Variants in AKAP13 observed in about 807,000 individuals in gnomAD.
The protein encoded by AKAP13 is A-kinase anchor protein 13.
In AKAP13, 80 loss-of-function variants were observed where a neutral mutation model predicts 264.5. That is an observed-to-expected ratio of 0.30 (90% CI 0.25 to 0.36). The LOEUF (loss-of-function observed/expected upper bound fraction) is 0.36, where lower values mean the gene tolerates loss of function less well. AKAP13 is among the 10% of genes least tolerant of loss of function. The pLI, the probability that AKAP13 is intolerant of heterozygous loss-of-function variation, is 1.00. For missense variants in AKAP13, 3,712 were observed against 3,435.2 expected, an observed-to-expected ratio of 1.08 and a Z score of -2.01; for synonymous variants, 1,380 against 1,250.2, an observed-to-expected ratio of 1.10 and a Z score of -2.19.
chr15:85,535,146 A>C (rs1187388602), intron 4 of AKAP13: 4 of 152,260 alleles, frequency 2.6e-5, no homozygotes, highest in Non-Finnish European at 4.4e-5. Context: ...CTCTCCCCAC[A>C]GGTGAGCAGT....
chr15:85,381,181 G>T (rs1299333381), intron 1 of AKAP13, among the ~76,000 whole-genome samples: 1 of 152,090 alleles, frequency 6.6e-6, no homozygotes, highest in East Asian at 1.9e-4. Flanking sequence ...GGTCGGCGCC[G>T]CCGGGGCGGG....
chr15:85,632,954 C>G (rs2151453795), intron 8 of AKAP13, among the ~76,000 whole-genome samples: 1 of 152,148 alleles, frequency 6.6e-6, no homozygotes, highest in East Asian at 1.9e-4. Context: ...CAACCTCTGA[C>G]TCCATGGTTC....
chr15:85,545,311 C>G (rs2077699386), intron 5 of AKAP13, among the ~76,000 whole-genome samples: 1 of 152,206 alleles, frequency 6.6e-6, no homozygotes, highest in East Asian at 1.9e-4. Flanking sequence ...TGCATTTCCT[C>G]TAAATTTGAT....
chr15:85,499,384 G>C (rs552540266), intron 2 of AKAP13, among the ~76,000 whole-genome samples: 6 of 152,302 alleles, frequency 3.9e-5, no homozygotes, highest in South Asian at 2.1e-4. Flanking sequence ...TGCAGTAGTA[G>C]CAGCAGCGCA....
intron 5 of AKAP13, among the ~76,000 whole-genome samples, chr15:85,546,664 G>A (rs1295107354): frequency 6.6e-6 from 1 of 152,024 alleles, no homozygotes; most frequent in Non-Finnish European, 1.5e-5. Context: ...TCTGAATAAA[G>A]CATTTGTTGG....
chr15:85,661,410 A>G (rs989778878), intron 12 of AKAP13, among the ~76,000 whole-genome samples: 1 of 152,134 alleles, frequency 6.6e-6, no homozygotes, highest in Non-Finnish European at 1.5e-5. Context: ...GTGCCATAGA[A>G]TTCCTTTTTT....
At position 85,731,143 on chromosome 15, in the gene AKAP13, C is replaced by T. The variant is rs574738350; in HGVS notation, c.7282+436C>T. The stretch of plus-strand genomic sequence containing the variant: ...TCTCAGCCACCCAAGTAGCTTGGGA[C>T]TACAGATGTGCACCACCACACCCAG... On this transcript the variant is annotated intron_variant, in intron 30 of 36. Transcript: ENST00000394518. 3.3e-5 allele frequency among the ~76,000 whole-genome samples: 5 copies of T among 151,718 alleles called. No homozygotes were observed. In the South Asian group the frequency reaches 1.0e-3, roughly 32 times the overall value.
rs868156080 is a variant in AKAP13 at position 85,483,509 on chromosome 15, C to G, written c.-11-2201C>G. Among the ~76,000 whole-genome samples, 7 of 148,956 alleles carry G rather than the reference C, an allele frequency of 4.7e-5. No homozygotes were observed. The South Asian group carries it at 1.5e-3, about 31-fold the overall frequency. ...GTTGCGGTGGCGGGCGCCTGTAGTCCCAGCTACTGGGGAGGCTGAGGCAGG... is the reference window on the plus strand; with the variant it reads ...GTTGCGGTGGCGGGCGCCTGTAGTCGCAGCTACTGGGGAGGCTGAGGCAGG... On this transcript the variant is annotated intron_variant, in intron 1 of 36. Transcript: ENST00000394518.
At chr15:85,556,093 A>G (rs1361921280) in intron 5 of AKAP13, among the ~76,000 whole-genome samples, 1 of 152,234 alleles carries the variant, frequency 6.6e-6, no homozygotes, top group Non-Finnish European at 1.5e-5. Flanking sequence ...CTCTGAGTAC[A>G]GATTGTGGCC....
chr15:85,572,408 C>T (rs1183848136), intron 5 of AKAP13, among the ~76,000 whole-genome samples: 7 of 152,118 alleles, frequency 4.6e-5, no homozygotes, highest in Admixed American at 2.6e-4. Context: ...CTTCTTGAGT[C>T]GTTTCTTTGA....
intron 1 of AKAP13, among the ~76,000 whole-genome samples, chr15:85,445,875 C>T (rs896014485): frequency 1.3e-5 from 2 of 152,006 alleles, no homozygotes; most frequent in Middle Eastern, 3.2e-3. Context: ...TTATGGGGTA[C>T]ATGTGATATT....
intron 1 of AKAP13, among the ~76,000 whole-genome samples, chr15:85,416,642 G>A (rs1032871144): frequency 1.9e-4 from 29 of 152,178 alleles, no homozygotes; most frequent in African/African-American, 7.0e-4. Flanking sequence ...TAACTTGCAG[G>A]GTGTGTTAAG....
intron 5 of AKAP13, among the ~76,000 whole-genome samples, chr15:85,562,666 C>G (rs1214635995): frequency 7.3e-6 from 1 of 137,390 alleles, no homozygotes. Context: ...ATCCCACTTT[C>G]CTTTTCTTTC....
In AKAP13 at chr15:85,581,283, C is replaced by G. The variant is rs369663969; in HGVS notation, c.3215C>G (p.Thr1072Ser). 25 of 1,614,090 alleles carry G rather than the reference C, an allele frequency of 1.5e-5. No homozygotes were observed. Among genetic ancestry groups the G allele is most frequent in the Non-Finnish European group, 2.0e-5 (24 of 1,180,044 alleles). ...PSPLDVGVKN[T>S]QSQGKTSACE... The stretch of plus-strand genomic sequence containing the variant: ...CCTCTGGATGTTGGAGTGAAGAACA[C>G]TCAATCCCAGGGAAAAACTAGTGCC... Residue 1072 changes from threonine (T) to serine (S), a missense_variant, in exon 7 of 37, where the codon ACT becomes AGT. Thr to Ser is a moderately conservative substitution (Grantham distance 58, BLOSUM62 1). Coordinates refer to ENST00000394518, the MANE Select transcript of AKAP13 (RefSeq NM_007200.5).
intron 1 of AKAP13, among the ~76,000 whole-genome samples, chr15:85,402,209 A>C (rs1198783875): frequency 6.6e-6 from 1 of 152,238 alleles, no homozygotes; most frequent in African/African-American, 2.4e-5. Context: ...TGGGGAGGGC[A>C]TGAAAAAGAG....
chr15:85,741,028 CCT>C lies in AKAP13; in HGVS notation c.7609-15_7609-14del, dbSNP rs766065262. On this transcript the variant is annotated splice_polypyrimidine_tract_variant and intron_variant, in intron 34 of 36. Coordinates refer to ENST00000394518, the MANE Select transcript of AKAP13 (RefSeq NM_007200.5). ...GTCCTGGCCAGAGTTGCAGGGCTCC[CCT>C]CTGTGTGCCTCCCAGGGTGTGGTGC... 1.3e-6 allele frequency: 2 copies of C among 1,590,098 alleles called. No individual in the cohort carries two copies. Among genetic ancestry groups the C allele is most frequent in the East Asian group, 2.2e-5 (1 of 44,668 alleles).
At chr15:85,557,681 G>T (rs1268156857) in intron 5 of AKAP13, among the ~76,000 whole-genome samples, 1 of 151,992 alleles carries the variant, frequency 6.6e-6, no homozygotes, top group Admixed American at 6.6e-5. Flanking sequence ...CTTGTATGTT[G>T]CCCAGGCTGA....
intron 1 of AKAP13, among the ~76,000 whole-genome samples, chr15:85,441,046 G>A (rs924959356): frequency 6.6e-6 from 1 of 152,154 alleles, no homozygotes; most frequent in African/African-American, 2.4e-5. Flanking sequence ...TTCACTTGAG[G>A]TCTTTTTTGT....
intron 8 of AKAP13, among the ~76,000 whole-genome samples, chr15:85,620,562 C>G (rs568315695): frequency 3.1e-4 from 47 of 152,206 alleles, no homozygotes; most frequent in African/African-American, 1.1e-3. Flanking sequence ...CTGTCAGTCT[C>G]TCTGCCTCTG....
Sources: allele counts gnomAD v4.1 joint callset (sites outside exome capture counted in the v4.1 genomes callset), GRCh38; gene constraint gnomAD v4.1.1; transcripts MANE v1.5; gene names NCBI Gene and HGNC (gene_info 2026-07-23, HGNC 2026-07-21).